Variants in ZNF701 observed in about 807,000 individuals in gnomAD.
The protein encoded by ZNF701 is zinc finger protein 701.
Under a neutral mutation model 7.1 loss-of-function variants are expected in ZNF701, and 6 were observed. The ratio of observed to expected loss-of-function variants is 0.84; its 90% CI spans 0.46 to 1.66. ZNF701 has a LOEUF of 1.66. Ranked by LOEUF, ZNF701 falls within the 40% of genes most tolerant of loss-of-function variation. ZNF701 has a pLI of 0.01. For missense variants in ZNF701, 541 were observed against 559.2 expected (o/e 0.97, Z 0.33); for synonymous variants, 166 against 188.2 (o/e 0.88, Z 0.97).
At position 52,583,403 on chromosome 19, in the gene ZNF701, T is replaced by A; in HGVS notation, c.1344T>A (p.Asn448Lys). The A allele has an allele frequency of 1.2e-6, 2 of 1,613,626 alleles. No homozygotes were observed. The highest frequency in any genetic ancestry group is 8.5e-7 in the Non-Finnish European group (1 of 1,179,780). The stretch of plus-strand genomic sequence containing the variant: ...GTAATGAATGTGGCAAGGTTTTTAA[T>A]CGAAAATCAAACCTTGAACGTCATC... ...YKCNECGKVF[N>K]RKSNLERHHR... The change falls in exon 4 of 4, where the codon AAT (asparagine) becomes AAA (lysine). Residue 448 changes from asparagine to lysine, a missense_variant. Asn to Lys is a moderately conservative substitution (Grantham distance 94, BLOSUM62 0). Transcript: ENST00000391785.
In ZNF701 at chr19:52,585,998, C is replaced by T. The variant is rs1161738787; in HGVS notation, c.*2541C>T. ...GTTCGCGTTAATTGGTTTTAGATTCCCTGCCTCCCTAGACCCAGGACCCAT... is the reference window on the plus strand; with the variant it reads ...GTTCGCGTTAATTGGTTTTAGATTCTCTGCCTCCCTAGACCCAGGACCCAT... On this transcript the variant is annotated 3_prime_UTR_variant, in exon 4 of 4. Transcript: ENST00000391785. 2.0e-5 allele frequency: 3 copies of T among 152,204 alleles called. No homozygotes were observed. The highest frequency in any genetic ancestry group is 4.8e-5 in the African/African-American group (2 of 41,414). The allele number at this position is 152,204 out of a possible 1,614,324, so 9.4% of individuals were successfully genotyped here.
rs978444422 is a variant in ZNF701 at position 52,586,704 on chromosome 19, C to T, written c.*3247C>T. The T allele has an allele frequency of 4.6e-5, 7 of 152,074 alleles. No individual in the cohort carries two copies. Among genetic ancestry groups the T allele is most frequent in the Non-Finnish European group, 7.4e-5 (5 of 68,016 alleles). The allele number at this position is 152,074 out of a possible 1,614,324, so 9.4% of individuals were successfully genotyped here. On this transcript the variant is annotated 3_prime_UTR_variant, in exon 4 of 4. Coordinates refer to ENST00000391785, the MANE Select transcript of ZNF701 (RefSeq NM_018260.3). ...TCCCCCGCTGTGAACCTCAGTGAGC[C>T]CACCTGTAATATACAGGTGAGGGAG...
the ZNF701 span, chr19:52,596,081 C>G: frequency 2.5e-6 from 3 of 1,193,726 alleles, no homozygotes; most frequent in Non-Finnish European, 3.7e-6. Context: ...ATTATTCACA[C>G]AAATACAAGA....
intron 1 of ZNF701, among the ~76,000 whole-genome samples, chr19:52,571,949 T>G (rs948453906): frequency 2.0e-5 from 3 of 152,062 alleles, no homozygotes; most frequent in Non-Finnish European, 2.9e-5. Context: ...TCAGCCTCCC[T>G]AGTAGCTGGG....
intron 1 of ZNF701, among the ~76,000 whole-genome samples, chr19:52,573,583 A>G (rs527375055): frequency 3.3e-5 from 5 of 152,176 alleles, no homozygotes; most frequent in Admixed American, 3.3e-4. Flanking sequence ...CATGGTGGCC[A>G]GGCTGGTCTC....
At chr19:52,581,500 G>T (rs1331177507) in intron 3 of ZNF701, among the ~76,000 whole-genome samples, 1 of 151,954 alleles carries the variant, frequency 6.6e-6, no homozygotes, top group Non-Finnish European at 1.5e-5. Context: ...GATTACAGGC[G>T]TGAACCACCA....
the ZNF701 span, among the ~76,000 whole-genome samples, chr19:52,593,539 A>AC: frequency 4.0e-5 from 4 of 100,348 alleles, no homozygotes; most frequent in Non-Finnish European, 6.3e-5. Context: ...CGGGGGGCTG[A>AC]CCCCCCCACC....
intron 1 of ZNF701, chr19:52,572,361 T>G (rs1216533082): frequency 3.1e-6 from 4 of 1,288,740 alleles, no homozygotes; most frequent in Non-Finnish European, 4.0e-6. Flanking sequence ...AGCCTCCCTG[T>G]TTTGAAGGTA....
At chr19:52,574,518 A>G (rs1202500405) in intron 2 of ZNF701, among the ~76,000 whole-genome samples, 1 of 152,180 alleles carries the variant, frequency 6.6e-6, no homozygotes, top group Non-Finnish European at 1.5e-5. Context: ...AGCAGCTGCC[A>G]ATGGAAGTGA....
At chr19:52,580,360 G>A (rs2059967702) in intron 3 of ZNF701, among the ~76,000 whole-genome samples, 1 of 152,060 alleles carries the variant, frequency 6.6e-6, no homozygotes, top group Non-Finnish European at 1.5e-5. Flanking sequence ...TCTGAACTGG[G>A]ATTACAGGTA....
Position 52,585,705 on chromosome 19 carries a change from G to A in ZNF701, c.*2248G>A, listed in dbSNP as rs1485343105. ...AAGTTTTTGGAGGTTATTTTTTTTTGAGGTCCCTATGGGCTACCCCTTATC... is the reference window on the plus strand; with the variant it reads ...AAGTTTTTGGAGGTTATTTTTTTTTAAGGTCCCTATGGGCTACCCCTTATC... On this transcript the variant is annotated 3_prime_UTR_variant, in exon 4 of 4. Coordinates refer to ENST00000391785, the MANE Select transcript of ZNF701 (RefSeq NM_018260.3). 6.7e-6 allele frequency: 1 copy of A among 148,728 alleles called. No homozygotes were observed. Among genetic ancestry groups the A allele is most frequent in the African/African-American group, 2.4e-5 (1 of 40,956 alleles). 9.2% of individuals were successfully genotyped at this position (148,728 alleles called of 1,614,324 possible).
chr19:52,588,743 T>A (rs1457103345), downstream of ZNF701: 1 of 185,906 alleles, frequency 5.4e-6, no homozygotes, highest in Non-Finnish European at 1.1e-5. Flanking sequence ...CCCATGCCTT[T>A]TCTCAGTCCC....
chr19:52,574,958 A>G (rs1445561835), intron 2 of ZNF701, among the ~76,000 whole-genome samples: 1 of 151,500 alleles, frequency 6.6e-6, no homozygotes, highest in Non-Finnish European at 1.5e-5. Context: ...GCATATATAT[A>G]TATATTTGTG....
At chr19:52,578,821 G>T (rs1032522538) in intron 3 of ZNF701, among the ~76,000 whole-genome samples, 3 of 152,110 alleles carry the variant, frequency 2.0e-5, no homozygotes, top group Non-Finnish European at 4.4e-5. Flanking sequence ...GCAGTGGTGC[G>T]ATCTCGGCTC....
rs148350927 is a variant in ZNF701 at position 52,578,919 on chromosome 19, G to A, written c.142+2898G>A. On this transcript the variant is annotated intron_variant, in intron 3 of 3. Coordinates refer to ENST00000391785, the MANE Select transcript of ZNF701 (RefSeq NM_018260.3). ...ACTACAGGCTCCCGCCACCGCGCCT[G>A]GCTAATTTTTTTGTATTTTTATTAG... is the stretch of plus-strand genomic sequence containing the variant. Among the ~76,000 whole-genome samples, 808 of 151,246 alleles carry A rather than the reference G, an allele frequency of 5.3e-3. 12 individuals are homozygous for A. The highest frequency in any genetic ancestry group is 0.05 in the East Asian group (249 of 5,026).
the ZNF701 span, among the ~76,000 whole-genome samples, chr19:52,599,181 C>T: frequency 6.6e-6 from 1 of 151,648 alleles, no homozygotes. Context: ...GTATGAACCA[C>T]TATGCCCGGC....
chr19:52,582,990 T>C lies in ZNF701; in HGVS notation c.931T>C (p.Ser311Pro), dbSNP rs1238456963. 6 of 1,613,872 alleles carry C rather than the reference T, an allele frequency of 3.7e-6. No homozygotes were observed. The highest frequency in any genetic ancestry group is 5.1e-6 in the Non-Finnish European group (6 of 1,179,946). The part of the protein sequence containing the change: ...NECGKVFNQQ[S>P]NLARHHRVHT... ...ATGTGGCAAGGTTTTTAATCAACAA[T>C]CAAACCTTGCACGTCATCATAGAGT... is the stretch of plus-strand genomic sequence containing the variant. Residue 311 changes from serine to proline, a missense_variant, in exon 4 of 4, where the codon TCA (serine) becomes CCA (proline). Ser to Pro is a moderately conservative substitution (Grantham distance 74). Coordinates refer to ENST00000391785, the MANE Select transcript of ZNF701 (RefSeq NM_018260.3).
intron 3 of ZNF701, among the ~76,000 whole-genome samples, chr19:52,577,727 C>G (rs2059944666): frequency 6.6e-6 from 1 of 152,020 alleles, no homozygotes; most frequent in Non-Finnish European, 1.5e-5. Context: ...AGGGGGTCTC[C>G]TTTCCTTGGA....
At chr19:52,572,814 A>G in intron 1 of ZNF701, 1 of 429,894 alleles carries the variant, frequency 2.3e-6, no homozygotes, top group South Asian at 1.7e-5. Flanking sequence ...ACTTGCCCTC[A>G]TCTCATGACT....
Sources: allele counts gnomAD v4.1 joint callset (sites outside exome capture counted in the v4.1 genomes callset), GRCh38; gene constraint gnomAD v4.1.1; transcripts MANE v1.5; gene names NCBI Gene and HGNC (gene_info 2026-07-23, HGNC 2026-07-21).